GRK5: variants seen among roughly 807,000 people sequenced by gnomAD.
GRK5 encodes G protein-coupled receptor kinase 5.
A neutral mutation model predicts 78.4 loss-of-function variants in GRK5; 40 were observed. That is an observed-to-expected ratio of 0.51 (90% CI 0.40 to 0.66). The LOEUF (loss-of-function observed/expected upper bound fraction) is 0.66. GRK5 is among the 30% of genes least tolerant of loss of function. The probability of loss-of-function intolerance (pLI) is 0.00; values close to 1 mark genes in which losing one functional copy is unlikely to be tolerated. For synonymous variants in GRK5, 289 were observed against 296.8 expected (o/e 0.97, Z 0.27); for missense variants, 598 against 759.9 (o/e 0.79, Z 2.50).
Position 119,455,582 on chromosome 10 carries a change from G to A in GRK5, c.*515G>A, listed in dbSNP as rs1853389782. 3.4e-6 allele frequency: 1 copy of A among 294,498 alleles called. No homozygotes were observed. The highest frequency in any genetic ancestry group is 6.5e-6 in the Non-Finnish European group (1 of 154,094). 18.2% of individuals were successfully genotyped at this position (294,498 alleles called of 1,614,324 possible). On this transcript the variant is annotated 3_prime_UTR_variant, in exon 16 of 16. Transcript: ENST00000392870. ...ACTCAAGACTTCCAGAGCCTCAAATGAGAAAATGTCTTTATTAAATGTAGA... is the reference window on the plus strand; with the variant it reads ...ACTCAAGACTTCCAGAGCCTCAAATAAGAAAATGTCTTTATTAAATGTAGA...
chr10:119,288,675 C>A (rs1564877981), intron 1 of GRK5, among the ~76,000 whole-genome samples: 1 of 152,190 alleles, frequency 6.6e-6, no homozygotes, highest in Non-Finnish European at 1.5e-5. Context: ...GACAAGCATC[C>A]CTCAGCATGG....
Position 119,219,891 on chromosome 10 carries a change from A to C in GRK5, c.52+11922A>C, listed in dbSNP as rs978857122. 2.0e-5 allele frequency among the ~76,000 whole-genome samples: 3 copies of C among 152,172 alleles called. No homozygotes were observed. The East Asian group carries it at 5.8e-4, about 29-fold the overall frequency. On this transcript the variant is annotated intron_variant, in intron 1 of 15. Coordinates refer to ENST00000392870, the MANE Select transcript of GRK5 (RefSeq NM_005308.3). ...TTGGCCAAATCGAAGGTAACTTTCG[A>C]TGTGAGCTTCACATGCTTTTCACAT...
chr10:119,225,468 C>T (rs1848719657), intron 1 of GRK5, among the ~76,000 whole-genome samples: 1 of 152,062 alleles, frequency 6.6e-6, no homozygotes, highest in Non-Finnish European at 1.5e-5. Context: ...TTGTCGGGGA[C>T]ACTGTTGTCA....
At chr10:119,327,059 G>T (rs1438515507) in intron 2 of GRK5, among the ~76,000 whole-genome samples, 2 of 151,834 alleles carry the variant, frequency 1.3e-5, no homozygotes, top group African/African-American at 2.4e-5. Context: ...CCCTCAGGGG[G>T]CAGCCCAGGC....
Position 119,253,371 on chromosome 10 carries a change from C to T in GRK5, c.52+45402C>T, listed in dbSNP as rs1849231941. On this transcript the variant is annotated intron_variant, in intron 1 of 15. Transcript: ENST00000392870. The surrounding 1 kb of genome is among the most constrained non-coding windows in gnomAD (Gnocchi z 5.7). The stretch of plus-strand genomic sequence containing the variant: ...TCCTAACTCAGTGATCTCCACAGCC[C>T]CCTGGATCCTGCCAGGCCTGTGGAG... Among the ~76,000 whole-genome samples the T allele has an allele frequency of 2.0e-5, 3 of 152,180 alleles. No homozygotes were observed. The highest frequency in any genetic ancestry group is 4.4e-5 in the Non-Finnish European group (3 of 68,034).
At chr10:119,441,575 G>A (rs78195996) in intron 10 of GRK5, among the ~76,000 whole-genome samples, 2,221 of 152,320 alleles carry the variant, frequency 0.015, 78 homozygotes, top group East Asian at 0.11. Flanking sequence ...AGGCAGGCCG[G>A]GGAGCTGCTT....
intron 1 of GRK5, among the ~76,000 whole-genome samples, chr10:119,236,943 T>A (rs1362803634): frequency 6.6e-6 from 1 of 152,140 alleles, no homozygotes; most frequent in East Asian, 1.9e-4. Context: ...TCCAGTCTCT[T>A]CCTTTTACCA....
intron 8 of GRK5, among the ~76,000 whole-genome samples, chr10:119,434,066 A>C (rs1002377597): frequency 2.0e-5 from 3 of 152,146 alleles, no homozygotes; most frequent in African/African-American, 4.8e-5. Flanking sequence ...AAACCATCAG[A>C]TCTCATGAGA....
Position 119,379,383 on chromosome 10 carries a change from C to T in GRK5, c.149-1432C>T, listed in dbSNP as rs141783979. Reference sequence around the variant, plus strand: ...CCCACACTGACACTCACAGCTACCACGAGATCCTCCCTCCCGGCAAGCCAT... The same window carrying T: ...CCCACACTGACACTCACAGCTACCATGAGATCCTCCCTCCCGGCAAGCCAT... On this transcript the variant is annotated intron_variant, in intron 2 of 15. Transcript: ENST00000392870. The surrounding 1 kb of genome is among the most constrained non-coding windows in gnomAD (Gnocchi z 4.1). 6.6e-6 allele frequency among the ~76,000 whole-genome samples: 1 copy of T among 152,198 alleles called. No individual in the cohort carries two copies. Among genetic ancestry groups the T allele is most frequent in the Non-Finnish European group, 1.5e-5 (1 of 68,040 alleles).
intron 1 of GRK5, among the ~76,000 whole-genome samples, chr10:119,252,616 G>A (rs1378067359): frequency 1.3e-5 from 2 of 152,122 alleles, no homozygotes; most frequent in East Asian, 3.9e-4. Flanking sequence ...TTCTCGTAAA[G>A]CTGACTTCCA....
rs1853404234 is a variant in GRK5 at position 119,456,408 on chromosome 10, A to G, written c.*1341A>G. The G allele has an allele frequency of 6.6e-6, 1 of 152,248 alleles. No homozygotes were observed. Among genetic ancestry groups the G allele is most frequent in the Admixed American group, 6.5e-5 (1 of 15,286 alleles). 9.4% of individuals were successfully genotyped at this position (152,248 alleles called of 1,614,324 possible). A position where few individuals can be genotyped will look rare whatever the true frequency, so the allele number is the denominator to read the frequency against. ...GCTTTGCCAGCCCAGGGGCCTCTGAAGGCAGCCCCCAGACCCTTGTAGCAG... is the reference window on the plus strand; with the variant it reads ...GCTTTGCCAGCCCAGGGGCCTCTGAGGGCAGCCCCCAGACCCTTGTAGCAG... On this transcript the variant is annotated 3_prime_UTR_variant, in exon 16 of 16. Transcript: ENST00000392870. This position sits in a 1 kb window ranked among gnomAD's most constrained non-coding sequence, Gnocchi z 5.5.
chr10:119,236,340 C>A (rs1266523653), intron 1 of GRK5, among the ~76,000 whole-genome samples: 1 of 152,052 alleles, frequency 6.6e-6, no homozygotes, highest in African/African-American at 2.4e-5. Context: ...CTCAGCCTCC[C>A]GAGTAGCTGG....
intron 3 of GRK5, among the ~76,000 whole-genome samples, chr10:119,393,880 G>C (rs1326696068): frequency 8.5e-5 from 13 of 152,122 alleles, no homozygotes; most frequent in Non-Finnish European, 1.5e-5. Flanking sequence ...CTGTGTGTGG[G>C]TGTCTGTATG....
At chr10:119,439,643 T>C (rs1326936198) in intron 9 of GRK5, 88 bp from the exon 10 acceptor site, 7 of 1,292,812 alleles carry the variant, frequency 5.4e-6, no homozygotes, top group South Asian at 3.6e-5. Context: ...CACTCAGGCC[T>C]GATTAGCCCG....
intron 2 of GRK5, 44 bp downstream of exon 2, chr10:119,326,655 G>A: frequency 6.8e-7 from 1 of 1,467,298 alleles, no homozygotes; most frequent in Non-Finnish European, 9.5e-7. Context: ...TGAGTAGCAG[G>A]TGATCCGCCA....
intron 6 of GRK5, among the ~76,000 whole-genome samples, chr10:119,427,906 T>C (rs1286020684): frequency 2.8e-5 from 4 of 142,656 alleles, no homozygotes; most frequent in Admixed American, 7.0e-5. Flanking sequence ...ATCAGTATCA[T>C]CGCCACCGTC....
chr10:119,305,651 T>C (rs968533654), intron 1 of GRK5, among the ~76,000 whole-genome samples: 3 of 151,924 alleles, frequency 2.0e-5, no homozygotes, highest in African/African-American at 7.3e-5. Flanking sequence ...CCGGGTGAAG[T>C]AGGGGCAGCA....
chr10:119,242,179 C>T (rs1048513958), intron 1 of GRK5, among the ~76,000 whole-genome samples: 2 of 151,764 alleles, frequency 1.3e-5, no homozygotes, highest in Non-Finnish European at 2.9e-5. Context: ...GGTATATTTT[C>T]GGGTGGCATA....
intron 2 of GRK5, among the ~76,000 whole-genome samples, chr10:119,352,316 A>G (rs1851197641): frequency 6.6e-6 from 1 of 152,218 alleles, no homozygotes; most frequent in African/African-American, 2.4e-5. Flanking sequence ...AGAAAAAGAT[A>G]AGAGGGAAAG....
Sources: allele counts gnomAD v4.1 joint callset (sites outside exome capture counted in the v4.1 genomes callset), GRCh38; gene constraint gnomAD v4.1.1; non-coding constraint Gnocchi (gnomAD v3.1); transcripts MANE v1.5; gene names NCBI Gene and HGNC (gene_info 2026-07-23, HGNC 2026-07-21).